RGS17: variants seen among roughly 807,000 people sequenced by gnomAD.
The protein encoded by RGS17 is regulator of G-protein signaling 17.
Under a neutral mutation model 25.5 loss-of-function variants are expected in RGS17, and 12 were observed. The observed-to-expected ratio is 0.47, with a 90% CI of 0.30 to 0.76. RGS17 has a LOEUF of 0.76. Among genes scored for constraint, RGS17 ranks in the 30% least tolerant of loss-of-function variants. The pLI is 0.07. For synonymous variants in RGS17, 71 were observed against 76.9 expected (o/e 0.92, Z 0.40); for missense variants, 196 against 242.2 (o/e 0.81, Z 1.27).
intron 1 of RGS17, among the ~76,000 whole-genome samples, chr6:153,099,234 T>A (rs1777260645): frequency 6.6e-6 from 1 of 152,248 alleles, no homozygotes. Context: ...ACTTTCATGC[T>A]TCACCTTCTC....
chr6:153,032,858 TAAG>T (rs768441819), intron 2 of RGS17, among the ~76,000 whole-genome samples: 32 of 152,258 alleles, frequency 2.1e-4, no homozygotes, highest in Non-Finnish European at 4.7e-4. Context: ...TCGTTTCCGA[TAAG>T]AAGTCGTTTT....
At chr6:153,125,533 T>G (rs963721229) in intron 1 of RGS17, among the ~76,000 whole-genome samples, 1 of 152,170 alleles carries the variant, frequency 6.6e-6, no homozygotes, top group Non-Finnish European at 1.5e-5. Context: ...TACTCAGGTT[T>G]TACTGTATTT....
intron 4 of RGS17, among the ~76,000 whole-genome samples, chr6:153,015,973 T>C (rs879553702): frequency 4.6e-5 from 7 of 152,192 alleles, no homozygotes; most frequent in Non-Finnish European, 7.4e-5. Context: ...TTTATGTGCA[T>C]TGGGAAGCCA....
chr6:153,069,805 A>G (rs1776762609), intron 1 of RGS17, among the ~76,000 whole-genome samples: 1 of 151,770 alleles, frequency 6.6e-6, no homozygotes, highest in Non-Finnish European at 1.5e-5. Flanking sequence ...TAAAAACTAA[A>G]AAAAAATTGT....
At chr6:153,091,806 C>A (rs1378051373) in intron 1 of RGS17, among the ~76,000 whole-genome samples, 1 of 152,040 alleles carries the variant, frequency 6.6e-6, no homozygotes, top group Non-Finnish European at 1.5e-5. Context: ...AGCCACCATG[C>A]CCAGCCGGCA....
At chr6:153,017,784 CT>C (rs1779199599) in intron 4 of RGS17, among the ~76,000 whole-genome samples, 1 of 152,050 alleles carries the variant, frequency 6.6e-6, no homozygotes, top group African/African-American at 2.4e-5. Context: ...ACTGAAGTTG[CT>C]TTATTTAGAA....
At chr6:153,043,009 G>A (rs1776341569) in intron 2 of RGS17, among the ~76,000 whole-genome samples, 2 of 152,146 alleles carry the variant, frequency 1.3e-5, no homozygotes, top group Admixed American at 1.3e-4. Flanking sequence ...ACCCCAAAAT[G>A]TATGGTTCAA....
intron 1 of RGS17, among the ~76,000 whole-genome samples, chr6:153,100,792 A>C (rs1215195380): frequency 6.6e-6 from 1 of 152,216 alleles, no homozygotes; most frequent in Non-Finnish European, 1.5e-5. Context: ...ACCTAAATGA[A>C]GGTGTAAACA....
chr6:153,046,623 C>A (rs2129111107), intron 1 of RGS17, among the ~76,000 whole-genome samples: 1 of 152,054 alleles, frequency 6.6e-6, no homozygotes, highest in African/African-American at 2.4e-5. Flanking sequence ...TACACATAAT[C>A]ATTTCTTTCC....
intron 1 of RGS17, among the ~76,000 whole-genome samples, chr6:153,119,155 T>C (rs942480114): frequency 3.3e-5 from 5 of 152,222 alleles, no homozygotes; most frequent in Non-Finnish European, 7.3e-5. Context: ...GTTACCTGTA[T>C]GTAAAAGACT....
chr6:153,031,960 G>A (rs1475638166), intron 2 of RGS17, among the ~76,000 whole-genome samples: 1 of 152,160 alleles, frequency 6.6e-6, no homozygotes, highest in Non-Finnish European at 1.5e-5. Flanking sequence ...CACCGTTAAT[G>A]ACTGCAGACG....
At chr6:153,072,384 A>C (rs1182754484) in intron 1 of RGS17, among the ~76,000 whole-genome samples, 1 of 152,208 alleles carries the variant, frequency 6.6e-6, no homozygotes, top group Non-Finnish European at 1.5e-5. Flanking sequence ...AATATAATTA[A>C]ATAGAAATGG....
intron 1 of RGS17, among the ~76,000 whole-genome samples, chr6:153,101,308 T>C (rs1327637232): frequency 6.6e-6 from 1 of 152,160 alleles, no homozygotes; most frequent in East Asian, 1.9e-4. Flanking sequence ...GATGCAAAAC[T>C]GCATAGTATA....
intron 1 of RGS17, among the ~76,000 whole-genome samples, chr6:153,107,788 G>T: frequency 6.6e-6 from 1 of 152,138 alleles, no homozygotes; most frequent in Non-Finnish European, 1.5e-5. Context: ...ACACCAACAG[G>T]TGCATTAGCT....
rs1347670278 is a variant in RGS17, at chr6:153,010,932, A to G, written c.*642T>C. ...CTTTTAGCATAGTAAACTCTCCTGT[A>G]ATGAAAATGCCACAGTTTTGGCAGT... On this transcript the variant is annotated 3_prime_UTR_variant, in exon 5 of 5. Coordinates refer to ENST00000206262, the MANE Select transcript of RGS17 (RefSeq NM_012419.5). The G allele has an allele frequency of 2.8e-5, 4 of 140,606 alleles. No individual in the cohort carries two copies. The highest frequency in any genetic ancestry group is 8.0e-5 in the African/African-American group (3 of 37,630). 8.7% of individuals were successfully genotyped at this position (140,606 alleles called of 1,614,324 possible). A position where few individuals can be genotyped will look rare whatever the true frequency, so the allele number is the denominator to read the frequency against.
chr6:153,112,059 G>A (rs187576862), intron 1 of RGS17, among the ~76,000 whole-genome samples: 116 of 152,238 alleles, frequency 7.6e-4, no homozygotes, highest in African/African-American at 2.5e-3. Flanking sequence ...CACCAGCAAG[G>A]GAACAAAACT....
In RGS17 at chr6:153,005,997, T is replaced by G. The variant is rs1184368197; in HGVS notation, c.*5577A>C. 3 of 152,164 alleles carry G rather than the reference T, an allele frequency of 2.0e-5. No individual in the cohort carries two copies. The highest frequency in any genetic ancestry group is 4.4e-5 in the Non-Finnish European group (3 of 68,030). 9.4% of individuals were successfully genotyped at this position (152,164 alleles called of 1,614,324 possible). A position where few individuals can be genotyped will look rare whatever the true frequency, so the allele number is the denominator to read the frequency against. On this transcript the variant is annotated 3_prime_UTR_variant, in exon 5 of 5. Coordinates refer to ENST00000206262, the MANE Select transcript of RGS17 (RefSeq NM_012419.5). ...TAAAATAAAAGGTTTAATGGACACA[T>G]TACTATTTTAAATTTTATACATTTT...
At chr6:153,088,849 G>A (rs1777086872) in intron 1 of RGS17, among the ~76,000 whole-genome samples, 1 of 152,134 alleles carries the variant, frequency 6.6e-6, no homozygotes, top group Admixed American at 6.5e-5. Flanking sequence ...ACCTCCCTGA[G>A]ATAGTACCAT....
intron 1 of RGS17, among the ~76,000 whole-genome samples, chr6:153,123,948 G>A (rs1777672099): frequency 1.3e-5 from 2 of 152,288 alleles, no homozygotes; most frequent in Admixed American, 1.3e-4. Context: ...TTCACAAAGA[G>A]GGTTAAGCCT....
Sources: gnomAD v4.1 joint callset for allele counts (sites outside exome capture counted in the v4.1 genomes callset) on GRCh38, gnomAD v4.1.1 for gene constraint, MANE v1.5 for transcripts, NCBI Gene and HGNC (gene_info 2026-07-23, HGNC 2026-07-21) for gene names.